Variants in PPP2R3A observed in about 807,000 individuals in gnomAD.
PPP2R3A encodes serine/threonine-protein phosphatase 2A regulatory subunit B'' subunit alpha.
Under a neutral mutation model 106.9 loss-of-function variants are expected in PPP2R3A, and 80 were observed. The observed-to-expected ratio is 0.75, with a 90% CI of 0.62 to 0.90. The LOEUF is 0.90. PPP2R3A is among the 40% of genes least tolerant of loss of function. The pLI is 0.00. For synonymous variants in PPP2R3A, 483 were observed against 468.3 expected (o/e 1.03, Z -0.41); for missense variants, 1,386 against 1,350.4 (o/e 1.03, Z -0.41).
intron 13 of PPP2R3A, among the ~76,000 whole-genome samples, chr3:136,122,011 T>TA (rs1386567923): frequency 1.3e-5 from 2 of 152,302 alleles, no homozygotes; most frequent in South Asian, 2.1e-4. Flanking sequence ...ATCTTTTGCT[T>TA]AAAAAATCAA....
intron 2 of PPP2R3A, among the ~76,000 whole-genome samples, chr3:136,010,341 C>T (rs1421662322): frequency 4.7e-5 from 7 of 148,332 alleles, no homozygotes; most frequent in African/African-American, 1.7e-4. Flanking sequence ...TCACTGTAAC[C>T]TCTGCCTCCC....
intron 5 of PPP2R3A, among the ~76,000 whole-genome samples, chr3:136,058,822 G>T (rs1468672965): frequency 6.6e-6 from 1 of 152,146 alleles, no homozygotes; most frequent in Non-Finnish European, 1.5e-5. Flanking sequence ...GAACAGAATA[G>T]AGAACCCAGA....
chr3:136,134,801 A>G (rs1938542987), intron 13 of PPP2R3A, among the ~76,000 whole-genome samples: 1 of 152,116 alleles, frequency 6.6e-6, no homozygotes. Flanking sequence ...TCATTGCAGA[A>G]GAGTTAGAAT....
In PPP2R3A at chr3:136,090,593, G is replaced by C; in HGVS notation, c.2853G>C (p.Gln951His). 6.2e-7 allele frequency: 1 copy of C among 1,613,350 alleles called. No individual in the cohort carries two copies. The highest frequency in any genetic ancestry group is 8.5e-7 in the Non-Finnish European group (1 of 1,179,544). Residue 951 changes from glutamine to histidine, a missense_variant, in exon 10 of 14, where the codon CAG becomes CAC. Coordinates refer to ENST00000264977, the MANE Select transcript of PPP2R3A (RefSeq NM_002718.5). ...TTTTCTTTAGGGGAAAAACAATACA[G>C]AAAGAGGGAAGAATGAGCTATGCAG... ...SGAVTRGKTI[Q>H]KEGRMSYADF...
intron 1 of PPP2R3A, among the ~76,000 whole-genome samples, chr3:135,975,328 C>T (rs1476467225): frequency 6.6e-6 from 1 of 152,164 alleles, no homozygotes; most frequent in Non-Finnish European, 1.5e-5. Context: ...AGTTTAGACA[C>T]TTCATCAGGG....
rs185982797 is a variant in PPP2R3A at position 136,002,348 on chromosome 3, A to G, written c.850A>G (p.Arg284Gly). 9.3e-6 allele frequency: 15 copies of G among 1,613,866 alleles called. No homozygotes were observed. In the Middle Eastern group the frequency reaches 4.9e-4, roughly 53 times the overall value. ...SETVYMNVMT[R>G]LASYLKKLPF... ...AACTGTCTATATGAATGTAATGACC[A>G]GGTTAGCATCCTATCTGAAAAAGTT... The change falls in exon 2 of 14, where the codon AGG becomes GGG. Residue 284 changes from arginine (R) to glycine (G), a missense_variant. Physicochemically the swap from Arg to Gly is moderately radical, Grantham distance 125. Transcript: ENST00000264977.
chr3:136,032,330 T>A (rs1002455984), intron 3 of PPP2R3A, among the ~76,000 whole-genome samples: 4 of 152,120 alleles, frequency 2.6e-5, no homozygotes, highest in Admixed American at 2.0e-4. Flanking sequence ...GATACTCAGC[T>A]TGCTCGTTGT....
intron 5 of PPP2R3A, 97 bp from the exon 6 acceptor site, chr3:136,070,381 C>A: frequency 1.2e-6 from 1 of 823,510 alleles, no homozygotes; most frequent in Non-Finnish European, 1.8e-6. Context: ...TGTAAAATAG[C>A]AAGTTTGCTC....
At chr3:136,013,180 G>A (rs867513522) in intron 2 of PPP2R3A, among the ~76,000 whole-genome samples, 43 of 142,162 alleles carry the variant, frequency 3.0e-4, no homozygotes, top group South Asian at 9.2e-4. Flanking sequence ...GTGTGTGTGT[G>A]TGTATGTATG....
chr3:135,967,990 A>C (rs913094379), intron 1 of PPP2R3A, among the ~76,000 whole-genome samples: 1 of 152,192 alleles, frequency 6.6e-6, no homozygotes, highest in Non-Finnish European at 1.5e-5. Context: ...AGACATCGCA[A>C]ATGTCCCCCA....
At chr3:136,128,281 A>G (rs1375585389) in intron 13 of PPP2R3A, among the ~76,000 whole-genome samples, 1 of 152,042 alleles carries the variant, frequency 6.6e-6, no homozygotes, top group African/African-American at 2.4e-5. Context: ...CTCATGTGCA[A>G]AGACACACAT....
Position 136,145,076 on chromosome 3 carries a change from T to A in PPP2R3A, c.3363T>A (p.Ser1121=), listed in dbSNP as rs1939060591. The A allele has an allele frequency of 6.2e-7, 1 of 1,613,576 alleles. No individual in the cohort carries two copies. The change falls in exon 14 of 14, where the codon TCT becomes TCA. Residue 1121 remains serine (S), a synonymous_variant. Transcript: ENST00000264977. The part of the protein sequence containing the change: ...FEDYETDEPA[S]PSEFGNKSNK... ...ATTATGAAACAGATGAACCTGCCTC[T>A]CCCTCTGAATTTGGAAACAAAAGCA...
At chr3:136,036,062 T>C (rs1935075338) in intron 3 of PPP2R3A, among the ~76,000 whole-genome samples, 1 of 152,146 alleles carries the variant, frequency 6.6e-6, no homozygotes, top group African/African-American at 2.4e-5. Flanking sequence ...GTGTCCATTG[T>C]TTCCTGAAGT....
intron 13 of PPP2R3A, among the ~76,000 whole-genome samples, chr3:136,142,850 G>A (rs1559944688): frequency 6.6e-6 from 1 of 152,200 alleles, no homozygotes; most frequent in African/African-American, 2.4e-5. Flanking sequence ...ATAGCTTACA[G>A]ACAACACGTT....
chr3:135,971,152 A>G (rs558058192), intron 1 of PPP2R3A, among the ~76,000 whole-genome samples: 1 of 152,296 alleles, frequency 6.6e-6, no homozygotes, highest in African/African-American at 2.4e-5. Context: ...ACTTGATATT[A>G]TAGCTTAATT....
At chr3:135,971,122 A>G (rs539068881) in intron 1 of PPP2R3A, among the ~76,000 whole-genome samples, 1 of 152,176 alleles carries the variant, frequency 6.6e-6, no homozygotes, top group Non-Finnish European at 1.5e-5. Flanking sequence ...TAGTTTTTGC[A>G]GCTGTATTTT....
intron 7 of PPP2R3A, among the ~76,000 whole-genome samples, 156 bp from the exon 8 acceptor site, chr3:136,082,109 A>G (rs527828797): frequency 3.3e-5 from 5 of 152,322 alleles, no homozygotes; most frequent in Admixed American, 6.5e-5. Context: ...TGATTGGTTG[A>G]TTAAAGGTAG....
intron 2 of PPP2R3A, among the ~76,000 whole-genome samples, chr3:136,013,649 C>T (rs1934171617): frequency 6.6e-6 from 1 of 152,026 alleles, no homozygotes; most frequent in Admixed American, 6.6e-5. Context: ...ATTTGTACGT[C>T]TTCTTTTAAG....
At chr3:136,039,957 A>C (rs1377815551) in intron 3 of PPP2R3A, among the ~76,000 whole-genome samples, 1 of 152,078 alleles carries the variant, frequency 6.6e-6, no homozygotes, top group African/African-American at 2.4e-5. Flanking sequence ...CTTTGTAATC[A>C]TTTGTGGTAG....
Sources: gnomAD v4.1 joint callset for allele counts (sites outside exome capture counted in the v4.1 genomes callset) on GRCh38, gnomAD v4.1.1 for gene constraint, MANE v1.5 for transcripts, NCBI Gene and HGNC (gene_info 2026-07-23, HGNC 2026-07-21) for gene names.